Variants in MSI2 observed in about 807,000 individuals in gnomAD.
MSI2 encodes the protein RNA-binding protein Musashi homolog 2.
MSI2 carries 17 observed loss-of-function variants against 45.6 expected under a neutral mutation model. The ratio of observed to expected loss-of-function variants is 0.37; its 90% CI spans 0.26 to 0.56. The LOEUF is 0.56. MSI2 is among the 20% of genes least tolerant of loss of function. The probability of loss-of-function intolerance (pLI) is 0.77; values close to 1 mark genes in which losing one functional copy is unlikely to be tolerated. For missense variants in MSI2, 293 were observed against 444.2 expected, an observed-to-expected ratio of 0.66 and a Z score of 3.06; for synonymous variants, 156 against 158.2, an observed-to-expected ratio of 0.99 and a Z score of 0.11.
intron 6 of MSI2, among the ~76,000 whole-genome samples, chr17:57,454,281 A>T (rs720238): frequency 2.0e-5 from 3 of 151,960 alleles, no homozygotes; most frequent in African/African-American, 7.3e-5. Flanking sequence ...TGTCACCACA[A>T]TGGTGCTGGT....
At chr17:57,699,061 GTGTGTGTGTGTGTGAAGGTGAGAAAGGT>G in the MSI2 span, among the ~76,000 whole-genome samples, 1 of 119,530 alleles carries the variant, frequency 8.4e-6, no homozygotes, top group African/African-American at 3.8e-5. Flanking sequence ...GTGTGTGTGT[GTGTGTGTGTGTGTGAAGGTGAGAAAGGT>G]CTTACCAATG....
At chr17:57,344,814 A>G (rs1034245345) in intron 5 of MSI2, among the ~76,000 whole-genome samples, 2 of 152,176 alleles carry the variant, frequency 1.3e-5, no homozygotes, top group African/African-American at 4.8e-5. Flanking sequence ...ATTCCACTAC[A>G]AAAGACTGGC....
At chr17:57,624,202 T>G (rs1255382969) in intron 9 of MSI2, among the ~76,000 whole-genome samples, 1 of 152,232 alleles carries the variant, frequency 6.6e-6, no homozygotes, top group Non-Finnish European at 1.5e-5. Flanking sequence ...CACATAGGCT[T>G]ATGCTTTTGC....
At chr17:57,579,012 G>A (rs1426953188) in intron 7 of MSI2, among the ~76,000 whole-genome samples, 2 of 152,160 alleles carry the variant, frequency 1.3e-5, no homozygotes, top group African/African-American at 2.4e-5. Context: ...GTGCTCAGAT[G>A]CCTCATTGTG....
chr17:57,557,970 C>T (rs74936536), intron 7 of MSI2, among the ~76,000 whole-genome samples: 10,079 of 152,188 alleles, frequency 0.066, 432 homozygotes, highest in East Asian at 0.099. Context: ...TGACTCTGCC[C>T]TCACACACCC....
At chr17:57,600,696 A>G (rs1292958021) in intron 8 of MSI2, among the ~76,000 whole-genome samples, 1 of 152,114 alleles carries the variant, frequency 6.6e-6, no homozygotes, top group Admixed American at 6.5e-5. Flanking sequence ...TCCTTCCTTC[A>G]TTCTCCATGT....
At chr17:57,557,662 T>C (rs1416544786) in intron 7 of MSI2, among the ~76,000 whole-genome samples, 1 of 152,218 alleles carries the variant, frequency 6.6e-6, no homozygotes, top group Non-Finnish European at 1.5e-5. Flanking sequence ...AAGGCAAGGC[T>C]TTCTGCGTGG....
intron 7 of MSI2, among the ~76,000 whole-genome samples, chr17:57,533,914 G>T (rs1014611837): frequency 6.6e-6 from 1 of 152,232 alleles, no homozygotes; most frequent in Admixed American, 6.5e-5. Flanking sequence ...CAGCCACTGG[G>T]AAGGAGGTCC....
At chr17:57,675,961 C>T (rs997613236) in intron 12 of MSI2, among the ~76,000 whole-genome samples, 15 of 152,216 alleles carry the variant, frequency 9.9e-5, no homozygotes, top group Non-Finnish European at 1.6e-4. Flanking sequence ...GCTCGCTGTC[C>T]CTTCCATTTT....
At chr17:57,260,641 T>C (rs1907223311) in intron 4 of MSI2, among the ~76,000 whole-genome samples, 1 of 152,214 alleles carries the variant, frequency 6.6e-6, no homozygotes, top group Admixed American at 6.5e-5. Flanking sequence ...GATGCAGTAA[T>C]GTTAATCTTT....
intron 7 of MSI2, among the ~76,000 whole-genome samples, chr17:57,544,015 T>C (rs2087109692): frequency 6.6e-6 from 1 of 152,222 alleles, no homozygotes; most frequent in Non-Finnish European, 1.5e-5. Context: ...TCTTAATGAC[T>C]ATTTTCAGGA....
intron 5 of MSI2, among the ~76,000 whole-genome samples, chr17:57,290,547 G>A (rs569474512): frequency 3.9e-5 from 6 of 152,288 alleles, no homozygotes; most frequent in African/African-American, 7.2e-5. Flanking sequence ...TCCTAGCCCC[G>A]AGTGATCCTC....
chr17:57,271,999 G>A (rs1261550566), intron 5 of MSI2, among the ~76,000 whole-genome samples: 1 of 152,162 alleles, frequency 6.6e-6, no homozygotes, highest in Non-Finnish European at 1.5e-5. Flanking sequence ...AAGACCTAGT[G>A]TAGCAAAATG....
intron 6 of MSI2, among the ~76,000 whole-genome samples, chr17:57,413,760 C>G (rs1442659391): frequency 6.6e-6 from 1 of 151,800 alleles, no homozygotes; most frequent in Non-Finnish European, 1.5e-5. Flanking sequence ...TGTTAATAAA[C>G]TCAGTGTAAA....
At position 57,681,584 on chromosome 17, in the gene MSI2, G is replaced by GA. The variant is rs1484678824; in HGVS notation, c.*2073dup. On this transcript the variant is annotated 3_prime_UTR_variant, in exon 14 of 14. Transcript: ENST00000284073. ...TCCAAAATGCTAACTCAGAAAGAAAGAAAAAACCCGTTTTCAATTCTAATG... is the reference window on the plus strand; with the variant it reads ...TCCAAAATGCTAACTCAGAAAGAAAGAAAAAAACCCGTTTTCAATTCTAATG... 1 of 182,974 alleles carries GA rather than the reference G, an allele frequency of 5.5e-6. No individual in the cohort carries two copies. The highest frequency in any genetic ancestry group is 1.2e-5 in the Non-Finnish European group (1 of 86,382). The allele number at this position is 182,974 out of a possible 1,614,324, so 11.3% of individuals were successfully genotyped here. A position where few individuals can be genotyped will look rare whatever the true frequency, so the allele number is the denominator to read the frequency against.
intron 11 of MSI2, 108 bp from the exon 12 acceptor site, chr17:57,674,864 C>T: frequency 6.8e-7 from 1 of 1,480,964 alleles, no homozygotes; most frequent in Non-Finnish European, 9.1e-7. Flanking sequence ...CTTGTAATGA[C>T]CGGTGCATGC....
intron 10 of MSI2, chr17:57,632,424 CCTGT>C (rs1909468622): frequency 1.9e-6 from 2 of 1,066,088 alleles, no homozygotes. Context: ...TAATCACAAG[CCTGT>C]CTGTCTTCGA....
chr17:57,585,471 C>A (rs551091427), intron 7 of MSI2, among the ~76,000 whole-genome samples: 1 of 152,288 alleles, frequency 6.6e-6, no homozygotes, highest in East Asian at 1.9e-4. Context: ...GGTTGAATAA[C>A]CTGCTCAGAG....
intron 6 of MSI2, among the ~76,000 whole-genome samples, chr17:57,480,341 G>T (rs747365307): frequency 6.6e-6 from 1 of 152,092 alleles, no homozygotes; most frequent in Non-Finnish European, 1.5e-5. Flanking sequence ...ATTAATGTTG[G>T]CATGTTAGAT....
Sources: gnomAD v4.1 joint callset for allele counts (sites outside exome capture counted in the v4.1 genomes callset) on GRCh38, gnomAD v4.1.1 for gene constraint, MANE v1.5 for transcripts, NCBI Gene and HGNC (gene_info 2026-07-23, HGNC 2026-07-21) for gene names.